PPM1K: variants seen among roughly 807,000 people sequenced by gnomAD.
The protein encoded by PPM1K is protein phosphatase, Mg2+/Mn2+ dependent 1K.
PPM1K carries 19 observed loss-of-function variants against 32.6 expected under a neutral mutation model. That is an observed-to-expected ratio of 0.58 (90% CI 0.41 to 0.86). The LOEUF is 0.86. PPM1K is among the 40% of genes least tolerant of loss of function. The pLI is 0.00. For missense variants in PPM1K, 362 were observed against 461.2 expected (o/e 0.78, Z 1.97); for synonymous variants, 159 against 165.3 (o/e 0.96, Z 0.29).
intron 1 of PPM1K, among the ~76,000 whole-genome samples, chr4:88,281,957 CA>C (rs1408689573): frequency 1.3e-5 from 2 of 148,418 alleles, no homozygotes; most frequent in African/African-American, 5.0e-5. Flanking sequence ...ATGTGAAAAA[CA>C]AAAACCTTAA....
At chr4:88,274,443 G>A (rs1472192613) in intron 3 of PPM1K, among the ~76,000 whole-genome samples, 1 of 152,150 alleles carries the variant, frequency 6.6e-6, no homozygotes, top group Non-Finnish European at 1.5e-5. Context: ...GTTCTATGCA[G>A]GGTGCTGCAC....
chr4:88,263,990 G>C (rs1049884550), intron 6 of PPM1K, among the ~76,000 whole-genome samples: 4 of 152,110 alleles, frequency 2.6e-5, no homozygotes, highest in African/African-American at 9.7e-5. Flanking sequence ...TTATGTATAA[G>C]AATAAAATGG....
chr4:88,275,562 T>C, intron 3 of PPM1K: 3 of 985,452 alleles, frequency 3.0e-6, no homozygotes, highest in Non-Finnish European at 3.6e-6. Context: ...AGAAGGCCAA[T>C]GTTTTTGGTT....
chr4:88,259,242 T>C lies in PPM1K; in HGVS notation c.*3353A>G, dbSNP rs963748204. 7.0e-6 allele frequency: 1 copy of C among 143,654 alleles called. No homozygotes were observed. Among genetic ancestry groups the C allele is most frequent in the Non-Finnish European group, 1.5e-5 (1 of 66,460 alleles). 8.9% of individuals were successfully genotyped at this position (143,654 alleles called of 1,614,324 possible). On this transcript the variant is annotated 3_prime_UTR_variant, in exon 7 of 7. Transcript: ENST00000608933. ...GACCGCACCACTGTACTCCAGCCTG[T>C]GTGACAGAGTGAGACTCCATCTCAA...
chr4:88,268,296 A>C lies in PPM1K; in HGVS notation c.746T>G (p.Leu249Trp), dbSNP rs948752735. 8 of 1,614,042 alleles carry C rather than the reference A, an allele frequency of 5.0e-6. No homozygotes were observed. The highest frequency in any genetic ancestry group is 6.8e-6 in the Non-Finnish European group (8 of 1,180,024). The change falls in exon 5 of 7, where the codon TTG becomes TGG. Residue 249 changes from leucine to tryptophan, a missense_variant. Transcript: ENST00000608933. ...KCGGFVAWNS[L>W]GQPHVNGRLA... The stretch of plus-strand genomic sequence containing the variant: ...CCTGCCATTTACGTGAGGCTGCCCC[A>C]AACTATTCCAAGCTACAAAACCACC...
At chr4:88,267,904 C>T (rs1731400388) in intron 5 of PPM1K, among the ~76,000 whole-genome samples, 2 of 152,112 alleles carry the variant, frequency 1.3e-5, no homozygotes, top group Admixed American at 1.3e-4. Flanking sequence ...CAAATGTCTG[C>T]TTGTTTGTTT....
chr4:88,266,898 G>T (rs1265658934), intron 5 of PPM1K, among the ~76,000 whole-genome samples: 2 of 151,484 alleles, frequency 1.3e-5, no homozygotes, highest in Non-Finnish European at 2.9e-5. Context: ...CTGGCTGTGT[G>T]CAGGTGATGC....
At position 88,262,509 on chromosome 4, in the gene PPM1K, A is replaced by C; in HGVS notation, c.*86T>G. ...CACTGACTTGTGCGCTGATCTAGTG[A>C]GTTAGGAGACCTTTTTGATCTTATC... is the stretch of plus-strand genomic sequence containing the variant. On this transcript the variant is annotated 3_prime_UTR_variant, in exon 7 of 7. Transcript: ENST00000608933. 1 of 1,473,608 alleles carries C rather than the reference A, an allele frequency of 6.8e-7. No individual in the cohort carries two copies. The highest frequency in any genetic ancestry group is 9.2e-7 in the Non-Finnish European group (1 of 1,083,650). The allele number at this position is 1,473,608 out of a possible 1,614,324, so 91.3% of individuals were successfully genotyped here. A position where few individuals can be genotyped will look rare whatever the true frequency, so the allele number is the denominator to read the frequency against.
intron 1 of PPM1K, chr4:88,284,174 C>A (rs1732142264): frequency 6.6e-6 from 1 of 152,080 alleles, no homozygotes; most frequent in African/African-American, 2.4e-5. Flanking sequence ...CTGGGCCCCG[C>A]CTCACCCCGA....
intron 3 of PPM1K, chr4:88,271,098 G>C: frequency 1.9e-6 from 1 of 518,678 alleles, no homozygotes; most frequent in South Asian, 1.4e-5. Flanking sequence ...CCTTCACCTG[G>C]GACAAAATTA....
At chr4:88,280,662 C>T (rs551089852) in intron 1 of PPM1K, among the ~76,000 whole-genome samples, 2 of 152,104 alleles carry the variant, frequency 1.3e-5, no homozygotes, top group Non-Finnish European at 2.9e-5. Context: ...ACTAAGGGGG[C>T]TGAGGTGGGA....
intron 1 of PPM1K, chr4:88,284,015 T>A (rs1560496702): frequency 6.6e-6 from 1 of 152,308 alleles, no homozygotes; most frequent in African/African-American, 2.4e-5. Context: ...CGCAGCATCC[T>A]CGCTTCCGGG....
chr4:88,268,465 CA>C (rs1403364464), intron 4 of PPM1K, 131 bp from the exon 5 acceptor site: 3 of 1,079,834 alleles, frequency 2.8e-6, no homozygotes, highest in Non-Finnish European at 4.0e-6. Context: ...TACTAAAAAA[CA>C]AAAAATTAGC....
chr4:88,279,661 G>A (rs901498914), intron 1 of PPM1K: 10 of 152,136 alleles, frequency 6.6e-5, no homozygotes, highest in African/African-American at 2.4e-4. Context: ...GCATTACAGG[G>A]TGTTACCCAG....
chr4:88,281,795 A>G (rs1732020078), intron 1 of PPM1K, among the ~76,000 whole-genome samples: 1 of 152,188 alleles, frequency 6.6e-6, no homozygotes, highest in Non-Finnish European at 1.5e-5. Flanking sequence ...CCCAAAGTAA[A>G]TAACAACTTT....
chr4:88,268,441 T>G (rs1190333624), intron 4 of PPM1K, 107 bp from the exon 5 acceptor site: 20 of 1,299,182 alleles, frequency 1.5e-5, no homozygotes, highest in Non-Finnish European at 2.0e-5. Context: ...GCTAACACGG[T>G]GAAACCCCGT....
intron 3 of PPM1K, among the ~76,000 whole-genome samples, chr4:88,270,540 T>G (rs1731520191): frequency 6.6e-6 from 1 of 152,226 alleles, no homozygotes; most frequent in African/African-American, 2.4e-5. Flanking sequence ...CTTTACAGTT[T>G]GACTAACTAT....
intron 5 of PPM1K, among the ~76,000 whole-genome samples, chr4:88,267,547 C>T (rs544144905): frequency 3.9e-4 from 59 of 152,248 alleles, no homozygotes; most frequent in African/African-American, 1.4e-3. Flanking sequence ...TATTTCTCCC[C>T]GAAATATTGA....
chr4:88,283,706 CAA>C (rs766711356), intron 1 of PPM1K: 4 of 152,396 alleles, frequency 2.6e-5, no homozygotes, highest in Non-Finnish European at 4.4e-5. Flanking sequence ...AAGTAAAACC[CAA>C]GTCTTCGGAT....
Sources: allele counts gnomAD v4.1 joint callset (sites outside exome capture counted in the v4.1 genomes callset), GRCh38; gene constraint gnomAD v4.1.1; transcripts MANE v1.5; gene names NCBI Gene and HGNC (gene_info 2026-07-23, HGNC 2026-07-21).